The following DUSP16 variants were observed in gnomAD, a reference collection of about 807,000 sequenced individuals.
The protein encoded by DUSP16 is dual specificity phosphatase 16.
DUSP16 carries 21 observed loss-of-function variants against 58.3 expected under a neutral mutation model. The ratio of observed to expected loss-of-function variants is 0.36; its 90% CI spans 0.26 to 0.52. The LOEUF is 0.52. Ranked by LOEUF, DUSP16 falls within the 20% of genes least tolerant of loss-of-function variation. DUSP16 has a pLI of 0.94. For missense variants in DUSP16, 726 were observed against 819.0 expected, an observed-to-expected ratio of 0.89 and a Z score of 1.39; for synonymous variants, 320 against 323.8, an observed-to-expected ratio of 0.99 and a Z score of 0.12.
intron 3 of DUSP16, among the ~76,000 whole-genome samples, chr12:12,514,934 C>T (rs1447732964): frequency 6.6e-6 from 1 of 152,174 alleles, no homozygotes; most frequent in Admixed American, 6.5e-5. Context: ...GTTGGGAATA[C>T]AGGCATAAGC....
At position 12,521,115 on chromosome 12, in the gene DUSP16, C is replaced by G. The variant is rs1047013292; in HGVS notation, c.-17G>C. The G allele has an allele frequency of 1.9e-6, 3 of 1,611,776 alleles. No homozygotes were observed. The highest frequency in any genetic ancestry group is 2.5e-6 in the Non-Finnish European group (3 of 1,178,770). On this transcript the variant is annotated 5_prime_UTR_variant, in exon 2 of 7. Coordinates refer to ENST00000298573, the MANE Select transcript of DUSP16 (RefSeq NM_030640.3). ...ATGGGCCATGACAACAATAAGTCCT[C>G]TTTTCCCACCTCCTTCTTTAATTTG...
At chr12:12,538,212 T>A (rs1231258044) in intron 1 of DUSP16, among the ~76,000 whole-genome samples, 1 of 152,186 alleles carries the variant, frequency 6.6e-6, no homozygotes, top group Non-Finnish European at 1.5e-5. Context: ...CTCTCAATGT[T>A]CACATTTAAT....
Position 12,550,289 on chromosome 12 carries a change from A to AAT in DUSP16, c.-366+11827_-366+11828insAT, listed in dbSNP as rs1555169845. ...CTCCGTCTCAAAAAAAAAAAAAAAA[A>AAT]TGTGTATCAGACTGCTCTAAAAAGA... is the stretch of plus-strand genomic sequence containing the variant. On this transcript the variant is annotated intron_variant, in intron 1 of 6. Transcript: ENST00000298573. Among the ~76,000 whole-genome samples, 68 of 149,110 alleles carry AAT rather than the reference A, an allele frequency of 4.6e-4. 1 individual carries two copies. Among genetic ancestry groups the AAT allele is most frequent in the Non-Finnish European group, 7.8e-4 (52 of 67,010 alleles).
intron 1 of DUSP16, among the ~76,000 whole-genome samples, chr12:12,557,165 A>C (rs977112901): frequency 6.6e-6 from 1 of 152,118 alleles, no homozygotes; most frequent in Non-Finnish European, 1.5e-5. Flanking sequence ...AAAAAAATTT[A>C]AAGTTTCTGG....
chr12:12,549,634 G>C (rs1354719476), intron 1 of DUSP16, among the ~76,000 whole-genome samples: 1 of 152,098 alleles, frequency 6.6e-6, no homozygotes, highest in African/African-American at 2.4e-5. Context: ...GCCAAGAGCA[G>C]TCCGTTCTCC....
chr12:12,478,035 CA>C lies in DUSP16; in HGVS notation c.816-21del, dbSNP rs775997043. 2 of 1,528,740 alleles carry C rather than the reference CA, an allele frequency of 1.3e-6. No individual in the cohort carries two copies. The highest frequency in any genetic ancestry group is 2.2e-5 in the Admixed American group (1 of 46,362). 94.7% of individuals were successfully genotyped at this position (1,528,740 alleles called of 1,614,324 possible). ...ACAAATCTGCAGAGAGAGGAAAAAA[CA>C]AAAACCCGAATTTTACAACTACACT... is the stretch of plus-strand genomic sequence containing the variant. On this transcript the variant is annotated intron_variant, in intron 6 of 6. Coordinates refer to ENST00000298573, the MANE Select transcript of DUSP16 (RefSeq NM_030640.3).
At chr12:12,514,371 C>T (rs1306078338) in intron 3 of DUSP16, among the ~76,000 whole-genome samples, 2 of 152,216 alleles carry the variant, frequency 1.3e-5, no homozygotes, top group Non-Finnish European at 2.9e-5. Context: ...GACCCTGAAA[C>T]CTTCTGCAGA....
chr12:12,520,253 G>A (rs1944212906), intron 2 of DUSP16, among the ~76,000 whole-genome samples: 1 of 152,078 alleles, frequency 6.6e-6, no homozygotes, highest in Admixed American at 6.6e-5. Flanking sequence ...CTATAAAATG[G>A]TAAAGTTCAT....
At chr12:12,479,235 G>A (rs1379951545) in intron 6 of DUSP16, among the ~76,000 whole-genome samples, 1 of 151,744 alleles carries the variant, frequency 6.6e-6, no homozygotes, top group Non-Finnish European at 1.5e-5. Context: ...GGTGATGGAG[G>A]AGTAGAACTA....
intron 1 of DUSP16, among the ~76,000 whole-genome samples, chr12:12,541,548 A>G (rs1044554888): frequency 6.6e-6 from 1 of 152,218 alleles, no homozygotes; most frequent in African/African-American, 2.4e-5. Context: ...GGAGTTGGTC[A>G]ATCTATGATA....
Position 12,477,060 on chromosome 12 carries a change from C to T in DUSP16, c.1771G>A (p.Gly591Arg), listed in dbSNP as rs758398333. 18 of 1,614,132 alleles carry T rather than the reference C, an allele frequency of 1.1e-5. No homozygotes were observed. Among genetic ancestry groups the T allele is most frequent in the Admixed American group, 6.7e-5 (4 of 60,012 alleles). The change falls in exon 7 of 7, where the codon GGA (glycine) becomes AGA (arginine). Residue 591 changes from glycine (G) to arginine (R), a missense_variant. Coordinates refer to ENST00000298573, the MANE Select transcript of DUSP16 (RefSeq NM_030640.3). This position sits in a 1 kb window ranked among gnomAD's most constrained non-coding sequence, Gnocchi z 4.1. Reference sequence around the variant, plus strand: ...CTGCGCACAGAATAGACTTGGTCTCCGCAAGTGGGCAGCTGGCTGCAGCTG... The same window carrying T: ...CTGCGCACAGAATAGACTTGGTCTCTGCAAGTGGGCAGCTGGCTGCAGCTG... ...AYSCSQLPTCGDQVYSVRRRQ... is the reference protein window; with the variant it reads ...AYSCSQLPTCRDQVYSVRRRQ...
intron 1 of DUSP16, among the ~76,000 whole-genome samples, chr12:12,531,004 A>G (rs189177772): frequency 6.6e-6 from 1 of 152,340 alleles, no homozygotes; most frequent in Admixed American, 6.5e-5. Context: ...AAATAAGTTT[A>G]TAATCTTTAT....
chr12:12,500,969 C>T (rs1450590182), intron 3 of DUSP16, among the ~76,000 whole-genome samples: 1 of 152,152 alleles, frequency 6.6e-6, no homozygotes, highest in Non-Finnish European at 1.5e-5. Flanking sequence ...ATTTGCTCCC[C>T]ACTCCCCATG....
intron 1 of DUSP16, among the ~76,000 whole-genome samples, chr12:12,552,659 T>C (rs1368135813): frequency 6.6e-6 from 1 of 152,196 alleles, no homozygotes; most frequent in Admixed American, 6.5e-5. Flanking sequence ...CTATCTTCTA[T>C]AAAGAAATAT....
chr12:12,520,868 T>TA lies in DUSP16; in HGVS notation c.228+2dup. 2 of 1,614,098 alleles carry TA rather than the reference T, an allele frequency of 1.2e-6. No homozygotes were observed. The highest frequency in any genetic ancestry group is 1.7e-6 in the Non-Finnish European group (2 of 1,179,952). On this transcript the variant is annotated splice_region_variant and intron_variant, in intron 2 of 6. Transcript: ENST00000298573. ...TTGAAAAGGCAAAAAGGAAAGCGTTTACCTTATGTTTCGCTGAATGCTGGA... is the reference window on the plus strand; with the variant it reads ...TTGAAAAGGCAAAAAGGAAAGCGTTTAACCTTATGTTTCGCTGAATGCTGGA...
At position 12,562,565 on chromosome 12, in the gene DUSP16, G is replaced by A. The variant is rs1944923887; in HGVS notation, c.-814C>T. ...ACATAGAAAGAGGGGGAAAGGCGGG[G>A]GGGTGGGGTGGGGGGTTGGGGGAAA... On this transcript the variant is annotated 5_prime_UTR_variant, in exon 1 of 7. Transcript: ENST00000298573. Among the ~76,000 whole-genome samples, 1 of 147,562 alleles carries A rather than the reference G, an allele frequency of 6.8e-6. No individual in the cohort carries two copies. Among genetic ancestry groups the A allele is most frequent in the African/African-American group, 2.5e-5 (1 of 40,438 alleles).
At chr12:12,560,636 C>T (rs969655206) in intron 1 of DUSP16, 1 of 152,228 alleles carries the variant, frequency 6.6e-6, no homozygotes, top group Non-Finnish European at 1.5e-5. Context: ...CTCCAAGCTG[C>T]TGCCTTCACC....
At chr12:12,496,276 G>A (rs979884658) in intron 4 of DUSP16, among the ~76,000 whole-genome samples, 1 of 152,174 alleles carries the variant, frequency 6.6e-6, no homozygotes, top group Non-Finnish European at 1.5e-5. Flanking sequence ...ACACGCTTTT[G>A]TGTTCCTAGA....
At chr12:12,514,479 C>T (rs913214128) in intron 3 of DUSP16, among the ~76,000 whole-genome samples, 1 of 152,164 alleles carries the variant, frequency 6.6e-6, no homozygotes, top group South Asian at 2.1e-4. Flanking sequence ...TAGTCAATAT[C>T]TAAAGTTTAG....
Sources: allele counts gnomAD v4.1 joint callset (sites outside exome capture counted in the v4.1 genomes callset), GRCh38; gene constraint gnomAD v4.1.1; non-coding constraint Gnocchi (gnomAD v3.1); transcripts MANE v1.5; gene names NCBI Gene and HGNC (gene_info 2026-07-23, HGNC 2026-07-21).